The following AGPAT4 variants were observed in gnomAD, a reference collection of about 807,000 sequenced individuals.
AGPAT4 encodes the protein 1-acyl-sn-glycerol-3-phosphate acyltransferase delta.
AGPAT4 carries 15 observed loss-of-function variants against 48.0 expected under a neutral mutation model. The ratio of observed to expected loss-of-function variants is 0.31; its 90% CI spans 0.21 to 0.48. The LOEUF is 0.48. Ranked by LOEUF, AGPAT4 falls within the 20% of genes least tolerant of loss-of-function variation. The pLI, the probability that AGPAT4 is intolerant of heterozygous loss-of-function variation, is 0.99. For synonymous variants in AGPAT4, 178 were observed against 198.7 expected, an observed-to-expected ratio of 0.90 and a Z score of 0.88; for missense variants, 314 against 482.5, an observed-to-expected ratio of 0.65 and a Z score of 3.27.
In AGPAT4 at chr6:161,197,622, T is replaced by A. The variant is rs1391877451; in HGVS notation, c.179-31205A>T. 6.6e-6 allele frequency among the ~76,000 whole-genome samples: 1 copy of A among 152,124 alleles called. No homozygotes were observed. Among genetic ancestry groups the A allele is most frequent in the Non-Finnish European group, 1.5e-5 (1 of 68,020 alleles). ...AACCACTCTGCCTCCTTGCCAGACA[T>A]CTTTACATTCCCTGCTGTTCCTAAC... On this transcript the variant is annotated intron_variant, in intron 2 of 8. Coordinates refer to ENST00000320285, the MANE Select transcript of AGPAT4 (RefSeq NM_020133.3). This position sits in a 1 kb window ranked among gnomAD's most constrained non-coding sequence, Gnocchi z 5.7.
chr6:161,241,305 A>T (rs1368631930), intron 1 of AGPAT4, among the ~76,000 whole-genome samples: 1 of 151,604 alleles, frequency 6.6e-6, no homozygotes, highest in African/African-American at 2.4e-5. Flanking sequence ...ATCTAATGGT[A>T]TGGCAGAAGC....
intron 2 of AGPAT4, among the ~76,000 whole-genome samples, chr6:161,203,041 G>C (rs1781277434): frequency 6.6e-6 from 1 of 152,204 alleles, no homozygotes; most frequent in Admixed American, 6.5e-5. Flanking sequence ...GCACAGCCTA[G>C]CTGTTACCAC....
At chr6:161,188,501 T>TTTAC (rs1222514858) in intron 2 of AGPAT4, among the ~76,000 whole-genome samples, 7 of 152,150 alleles carry the variant, frequency 4.6e-5, no homozygotes, top group Non-Finnish European at 8.8e-5. Flanking sequence ...CCAGGTAAAA[T>TTTAC]ACAAGGTACC....
rs60104618 is a variant in AGPAT4, at chr6:161,187,504, CATTTATTTATTTATTT to C, written c.179-21103_179-21088del. On this transcript the variant is annotated intron_variant, in intron 2 of 8. Coordinates refer to ENST00000320285, the MANE Select transcript of AGPAT4 (RefSeq NM_020133.3). ...TTAAGGATGGTATGGTCCTGAAGCC[CATTTATTTATTTATTT>C]ATTTATTTATTTATTTATTTATTTA... 3.1e-3 allele frequency among the ~76,000 whole-genome samples: 449 copies of C among 143,952 alleles called. 1 individual carries two copies. Among genetic ancestry groups the C allele is most frequent in the Middle Eastern group, 7.0e-3 (2 of 284 alleles). The allele number at this position is 143,952 out of a possible 152,430, so 94.4% of individuals were successfully genotyped here. A position where few individuals can be genotyped will look rare whatever the true frequency, so the allele number is the denominator to read the frequency against.
rs3839453 is a variant in AGPAT4 at position 161,219,946 on chromosome 6, G to GCAGA, written c.178+12086_178+12089dup. Among the ~76,000 whole-genome samples, 371 of 143,634 alleles carry GCAGA rather than the reference G, an allele frequency of 2.6e-3. 4 individuals carry two copies. The highest frequency in any genetic ancestry group is 0.014 in the Middle Eastern group (4 of 280). 94.2% of individuals were successfully genotyped at this position (143,634 alleles called of 152,430 possible). The stretch of plus-strand genomic sequence containing the variant: ...GGCAGGCAGGCAGGCAGGCAGGCAG[G>GCAGA]CAGACAGACAGACAGACAGACAGGC... On this transcript the variant is annotated intron_variant, in intron 2 of 8. Transcript: ENST00000320285. The surrounding 1 kb of genome is among the most constrained non-coding windows in gnomAD (Gnocchi z 4.9).
chr6:161,269,502 G>A (rs904213127), intron 1 of AGPAT4, among the ~76,000 whole-genome samples: 7 of 152,116 alleles, frequency 4.6e-5, no homozygotes, highest in Admixed American at 1.3e-4. Context: ...CAGGGCAGGC[G>A]CGGTGGCTCA....
At position 161,173,003 on chromosome 6, in the gene AGPAT4, A is replaced by T. The variant is rs935362726; in HGVS notation, c.179-6586T>A. On this transcript the variant is annotated intron_variant, in intron 2 of 8. Transcript: ENST00000320285. Reference sequence around the variant, plus strand: ...CTTTTTTATGGCTGCATACTATTCCATGGTGTATATGTGCCAAATTTTCTT... The same window carrying T: ...CTTTTTTATGGCTGCATACTATTCCTTGGTGTATATGTGCCAAATTTTCTT... 1.3e-5 allele frequency among the ~76,000 whole-genome samples: 2 copies of T among 152,336 alleles called. 1 individual carries two copies. Among genetic ancestry groups the T allele is most frequent in the Middle Eastern group, 6.8e-3 (2 of 294 alleles).
Position 161,139,634 on chromosome 6 carries a change from A to G in AGPAT4, c.844-14T>C. ...CTGAAAGGCATCCTGGGGGACAGGA[A>G]AGAGGACCCTCAGACGCCACACGGG... On this transcript the variant is annotated splice_polypyrimidine_tract_variant and intron_variant, in intron 7 of 8. Transcript: ENST00000320285. The surrounding 1 kb of genome is among the most constrained non-coding windows in gnomAD (Gnocchi z 9.1). 6.3e-7 allele frequency: 1 copy of G among 1,588,410 alleles called. No homozygotes were observed.
At position 161,169,398 on chromosome 6, in the gene AGPAT4, C is replaced by T. The variant is rs1780203679; in HGVS notation, c.179-2981G>A. Among the ~76,000 whole-genome samples the T allele has an allele frequency of 6.6e-6, 1 of 152,204 alleles. No individual in the cohort carries two copies. Among genetic ancestry groups the T allele is most frequent in the African/African-American group, 2.4e-5 (1 of 41,448 alleles). On this transcript the variant is annotated intron_variant, in intron 2 of 8. Transcript: ENST00000320285. This position sits in a 1 kb window ranked among gnomAD's most constrained non-coding sequence, Gnocchi z 5.0. ...AGACCAAATTTCCCACTCACCTCAG[C>T]AGGCTGCTCACTAGACAACTAAACT...
chr6:161,223,985 G>A lies in AGPAT4; in HGVS notation c.178+8051C>T, dbSNP rs926254253. Among the ~76,000 whole-genome samples, 1 of 152,180 alleles carries A rather than the reference G, an allele frequency of 6.6e-6. No individual in the cohort carries two copies. The highest frequency in any genetic ancestry group is 1.5e-5 in the Non-Finnish European group (1 of 68,036). On this transcript the variant is annotated intron_variant, in intron 2 of 8. Coordinates refer to ENST00000320285, the MANE Select transcript of AGPAT4 (RefSeq NM_020133.3). The surrounding 1 kb of genome is among the most constrained non-coding windows in gnomAD (Gnocchi z 6.3). ...CAGGAAGTGTTGTTCCTCTTAGCCT[G>A]CACGGATCGTGATTCTTTTATTTTT... is the stretch of plus-strand genomic sequence containing the variant.
rs1478276865 is a variant in AGPAT4, at chr6:161,229,763, C to T, written c.178+2273G>A. On this transcript the variant is annotated intron_variant, in intron 2 of 8. Transcript: ENST00000320285. This position sits in a 1 kb window ranked among gnomAD's most constrained non-coding sequence, Gnocchi z 6.0. ...CTCTAGAGGGAGGAATCTTCCCTTC[C>T]CGCTTCGGATTGTTTAAAAATGCTT... Among the ~76,000 whole-genome samples the T allele has an allele frequency of 6.6e-6, 1 of 152,142 alleles. No individual in the cohort carries two copies. The highest frequency in any genetic ancestry group is 1.5e-5 in the Non-Finnish European group (1 of 68,020).
rs941348485 is a variant in AGPAT4, at chr6:161,210,439, T to C, written c.178+21597A>G. On this transcript the variant is annotated intron_variant, in intron 2 of 8. Transcript: ENST00000320285. ...AAAAGGTTTTTATGAATCTATAAGA[T>C]GTACTTCTATCGGCATGCCTAATAT... 1.3e-5 allele frequency among the ~76,000 whole-genome samples: 2 copies of C among 152,222 alleles called. 1 individual carries two copies. The highest frequency in any genetic ancestry group is 3.8e-4 in the East Asian group (2 of 5,200).
At chr6:161,183,155 C>T (rs1780648750) in intron 2 of AGPAT4, among the ~76,000 whole-genome samples, 1 of 152,176 alleles carries the variant, frequency 6.6e-6, no homozygotes, top group Non-Finnish European at 1.5e-5. Flanking sequence ...AGCCACAACA[C>T]CAAGTGTTTC....
chr6:161,268,955 GA>G (rs1342161434), intron 1 of AGPAT4, among the ~76,000 whole-genome samples: 1 of 152,204 alleles, frequency 6.6e-6, no homozygotes, highest in Non-Finnish European at 1.5e-5. Flanking sequence ...TTACTATTAA[GA>G]AAGCTGTAGG....
chr6:161,201,707 C>G lies in AGPAT4; in HGVS notation c.178+30329G>C, dbSNP rs1167945369. ...AATTCCAGGGTGATGCTGAGGCTGACTTCAAAAGATAGGGGTAGGTAAATT... is the reference window on the plus strand; with the variant it reads ...AATTCCAGGGTGATGCTGAGGCTGAGTTCAAAAGATAGGGGTAGGTAAATT... On this transcript the variant is annotated intron_variant, in intron 2 of 8. Transcript: ENST00000320285. The surrounding 1 kb of genome is among the most constrained non-coding windows in gnomAD (Gnocchi z 6.0). 6.6e-6 allele frequency among the ~76,000 whole-genome samples: 1 copy of G among 152,184 alleles called. No homozygotes were observed.
In AGPAT4 at chr6:161,251,597, G is replaced by A. The variant is rs553175300; in HGVS notation, c.-89-19295C>T. Among the ~76,000 whole-genome samples the A allele has an allele frequency of 6.6e-5, 10 of 152,276 alleles. No homozygotes were observed. In the East Asian group the frequency reaches 1.4e-3, roughly 21 times the overall value. On this transcript the variant is annotated intron_variant, in intron 1 of 8. Coordinates refer to ENST00000320285, the MANE Select transcript of AGPAT4 (RefSeq NM_020133.3). This position sits in a 1 kb window ranked among gnomAD's most constrained non-coding sequence, Gnocchi z 4.6. ...GCATTACAGACCAGCCTGTCCGGCC[G>A]CTGGTTAAAGACCCGCAGGGAGGAT... is the stretch of plus-strand genomic sequence containing the variant.
rs1173831859 is a variant in AGPAT4, at chr6:161,214,594, C to T, written c.178+17442G>A. 2.6e-5 allele frequency among the ~76,000 whole-genome samples: 4 copies of T among 151,910 alleles called. No homozygotes were observed. The highest frequency in any genetic ancestry group is 5.9e-5 in the Non-Finnish European group (4 of 67,960). On this transcript the variant is annotated intron_variant, in intron 2 of 8. Transcript: ENST00000320285. This position sits in a 1 kb window ranked among gnomAD's most constrained non-coding sequence, Gnocchi z 5.4. ...CAGCCTAGCCAACATGGTGAAACCC[C>T]GTCTCTACTAAAAGATACAAAAAAA...
rs907189956 is a variant in AGPAT4, at chr6:161,177,970, T to G, written c.179-11553A>C. The stretch of plus-strand genomic sequence containing the variant: ...AGTGGAGGCTGCAGAACAGCAAATA[T>G]TACAGAACAGCAAATGTTGCTGCCT... On this transcript the variant is annotated intron_variant, in intron 2 of 8. Coordinates refer to ENST00000320285, the MANE Select transcript of AGPAT4 (RefSeq NM_020133.3). The surrounding 1 kb of genome is among the most constrained non-coding windows in gnomAD (Gnocchi z 5.0). Among the ~76,000 whole-genome samples the G allele has an allele frequency of 3.3e-5, 5 of 152,184 alleles. No individual in the cohort carries two copies. The highest frequency in any genetic ancestry group is 1.2e-4 in the African/African-American group (5 of 41,456).
Position 161,261,924 on chromosome 6 carries a change from C to T in AGPAT4, c.-90+12014G>A, listed in dbSNP as rs1296686023. On this transcript the variant is annotated intron_variant, in intron 1 of 8. Transcript: ENST00000320285. The surrounding 1 kb of genome is among the most constrained non-coding windows in gnomAD (Gnocchi z 5.3). The stretch of plus-strand genomic sequence containing the variant: ...CAGAGACCCAGTTTGCCTGTATGAG[C>T]TGTGCAGCCCTGGGAAGACTGCTGA... Among the ~76,000 whole-genome samples the T allele has an allele frequency of 2.0e-5, 3 of 152,182 alleles. No homozygotes were observed. In the East Asian group the frequency reaches 5.8e-4, roughly 29 times the overall value.
Sources: gnomAD v4.1 joint callset for allele counts (sites outside exome capture counted in the v4.1 genomes callset) on GRCh38, gnomAD v4.1.1 for gene constraint, Gnocchi (gnomAD v3.1) non-coding constraint, MANE v1.5 for transcripts, NCBI Gene and HGNC (gene_info 2026-07-23, HGNC 2026-07-21) for gene names.